Variants in PDE4B observed in about 807,000 individuals in gnomAD.
The protein encoded by PDE4B is phosphodiesterase 4B.
Under a neutral mutation model 82.2 loss-of-function variants are expected in PDE4B, and 20 were observed. The ratio of observed to expected loss-of-function variants is 0.24; its 90% CI spans 0.17 to 0.35. The LOEUF is 0.35. Among genes scored for constraint, PDE4B ranks in the 10% least tolerant of loss-of-function variants. The pLI, the probability that PDE4B is intolerant of heterozygous loss-of-function variation, is 1.00. For missense variants in PDE4B, 655 were observed against 907.2 expected (o/e 0.72, Z 3.57); for synonymous variants, 320 against 318.9 (o/e 1.00, Z -0.04).
At chr1:65,983,302 T>A (rs1370267759) in intron 3 of PDE4B, among the ~76,000 whole-genome samples, 1 of 152,070 alleles carries the variant, frequency 6.6e-6, no homozygotes, top group African/African-American at 2.4e-5. Flanking sequence ...AGGCTCAGAG[T>A]TGATGCTGGA....
At chr1:66,277,735 G>T (rs1215513139) in intron 7 of PDE4B, among the ~76,000 whole-genome samples, 4 of 152,168 alleles carry the variant, frequency 2.6e-5, no homozygotes, top group Non-Finnish European at 4.4e-5. Flanking sequence ...TGAGCCCCAA[G>T]TCTGGGTTAG....
At chr1:66,006,463 T>G (rs779489710) in intron 3 of PDE4B, among the ~76,000 whole-genome samples, 1 of 152,152 alleles carries the variant, frequency 6.6e-6, no homozygotes, top group Non-Finnish European at 1.5e-5. Flanking sequence ...TATATCAGTA[T>G]AGCCAGGCAT....
intron 3 of PDE4B, among the ~76,000 whole-genome samples, chr1:65,979,568 A>G (rs1371412226): frequency 6.6e-6 from 1 of 152,204 alleles, no homozygotes; most frequent in East Asian, 1.9e-4. Context: ...ATTCAAGGCA[A>G]GGCTTAATCT....
chr1:66,147,794 T>G (rs567586530), intron 3 of PDE4B, among the ~76,000 whole-genome samples: 1 of 152,336 alleles, frequency 6.6e-6, no homozygotes, highest in East Asian at 1.9e-4. Context: ...AAAGCCAGAC[T>G]TGTAAGGAGC....
chr1:65,858,470 A>G (rs544578726), intron 1 of PDE4B, among the ~76,000 whole-genome samples: 2 of 152,220 alleles, frequency 1.3e-5, no homozygotes, highest in Non-Finnish European at 2.9e-5. Flanking sequence ...CCAACACATT[A>G]ATCTACAAAC....
chr1:65,913,930 T>C (rs1478354067), intron 2 of PDE4B, among the ~76,000 whole-genome samples: 1 of 152,194 alleles, frequency 6.6e-6, no homozygotes, highest in African/African-American at 2.4e-5. Flanking sequence ...AATAGGTATG[T>C]ACTTTGTTTG....
chr1:65,950,627 G>A (rs952536274), intron 3 of PDE4B, among the ~76,000 whole-genome samples: 4 of 152,006 alleles, frequency 2.6e-5, no homozygotes, highest in East Asian at 1.9e-4. Context: ...AGAACTAGTC[G>A]TACATAGAGA....
At chr1:66,322,698 AAATTCCTGTGTTG>A (rs1659491569) in intron 7 of PDE4B, among the ~76,000 whole-genome samples, 1 of 151,464 alleles carries the variant, frequency 6.6e-6, no homozygotes, top group Non-Finnish European at 1.5e-5. Flanking sequence ...GGAACGCAAA[AAATTCCTGTGTTG>A]AAACCAGTAG....
chr1:66,103,599 T>C (rs1645272172), intron 3 of PDE4B, among the ~76,000 whole-genome samples: 1 of 152,084 alleles, frequency 6.6e-6, no homozygotes, highest in African/African-American at 2.4e-5. Flanking sequence ...TTTAAACTTA[T>C]TGGTTTAGTA....
chr1:65,825,702 TTA>T (rs1646006108), intron 1 of PDE4B, among the ~76,000 whole-genome samples: 1 of 130,306 alleles, frequency 7.7e-6, no homozygotes, highest in Non-Finnish European at 1.6e-5. Flanking sequence ...AAAAACAAAA[TTA>T]CCTATCTATC....
intron 3 of PDE4B, among the ~76,000 whole-genome samples, chr1:66,191,487 A>G (rs1336495177): frequency 6.6e-6 from 1 of 152,212 alleles, no homozygotes; most frequent in Non-Finnish European, 1.5e-5. Context: ...ATTAGCAGAA[A>G]TTAAAATCTT....
intron 3 of PDE4B, among the ~76,000 whole-genome samples, chr1:65,967,880 G>C (rs1013278714): frequency 2.3e-4 from 35 of 152,214 alleles, no homozygotes; most frequent in African/African-American, 8.2e-4. Flanking sequence ...GGGGTGAGGG[G>C]CTGGGGGAGA....
intron 3 of PDE4B, among the ~76,000 whole-genome samples, chr1:66,074,639 C>T (rs1656322430): frequency 1.3e-5 from 2 of 152,016 alleles, no homozygotes; most frequent in South Asian, 4.2e-4. Flanking sequence ...CTCCTCATTT[C>T]CCCCTCCCCC....
chr1:65,897,358 C>T (rs1646922739), intron 1 of PDE4B, among the ~76,000 whole-genome samples: 1 of 152,080 alleles, frequency 6.6e-6, no homozygotes, highest in Non-Finnish European at 1.5e-5. Context: ...ATGCTCCTGT[C>T]TTCCTAAAGG....
At chr1:66,355,672 A>G (rs1446401366) in intron 9 of PDE4B, 52 bp downstream of exon 9, 1 of 1,055,234 alleles carries the variant, frequency 9.5e-7, no homozygotes, top group East Asian at 2.5e-5. Flanking sequence ...TTTCAGAATT[A>G]ATTTCTACAA....
chr1:65,927,918 A>C (rs1454291892), intron 3 of PDE4B, among the ~76,000 whole-genome samples: 1 of 152,102 alleles, frequency 6.6e-6, no homozygotes, highest in Non-Finnish European at 1.5e-5. Context: ...AACCCACTGG[A>C]TCCACTCTTT....
chr1:65,856,993 G>A (rs1030227919), intron 1 of PDE4B, among the ~76,000 whole-genome samples: 18 of 152,046 alleles, frequency 1.2e-4, no homozygotes, highest in African/African-American at 4.1e-4. Flanking sequence ...TGTCTTTGAT[G>A]GTACAATTGA....
intron 6 of PDE4B, among the ~76,000 whole-genome samples, chr1:66,261,994 C>A (rs544864904): frequency 6.6e-6 from 1 of 152,172 alleles, no homozygotes; most frequent in South Asian, 2.1e-4. Flanking sequence ...ATTTATCAAT[C>A]GACTCTGTCA....
At chr1:66,214,907 A>G (rs1650333518) in intron 3 of PDE4B, among the ~76,000 whole-genome samples, 1 of 152,204 alleles carries the variant, frequency 6.6e-6, no homozygotes, top group Admixed American at 6.6e-5. Flanking sequence ...ACCTTGTTGG[A>G]AGAAGTAAAT....
Sources: allele counts gnomAD v4.1 joint callset (sites outside exome capture counted in the v4.1 genomes callset), GRCh38; gene constraint gnomAD v4.1.1; transcripts MANE v1.5; gene names NCBI Gene and HGNC (gene_info 2026-07-23, HGNC 2026-07-21).